The following LIN54 variants were observed in gnomAD, a reference collection of about 807,000 sequenced individuals.
LIN54 encodes lin-54 DREAM MuvB core complex component.
In LIN54, 9 loss-of-function variants were observed where a neutral mutation model predicts 78.7. That is an observed-to-expected ratio of 0.11 (90% confidence interval 0.07 to 0.20). The LOEUF (loss-of-function observed/expected upper bound fraction) is 0.20. Among genes scored for constraint, LIN54 ranks in the 10% least tolerant of loss-of-function variants. LIN54 has a pLI of 1.00. For synonymous variants in LIN54, 269 were observed against 318.4 expected, an observed-to-expected ratio of 0.84 and a Z score of 1.65; for missense variants, 573 against 889.9, an observed-to-expected ratio of 0.64 and a Z score of 4.53.
chr4:82,976,090 G>A (rs1726140044), intron 3 of LIN54, among the ~76,000 whole-genome samples: 1 of 152,156 alleles, frequency 6.6e-6, no homozygotes, highest in Non-Finnish European at 1.5e-5. Context: ...GATCCATATG[G>A]TGATCTCTTA....
intron 1 of LIN54, among the ~76,000 whole-genome samples, chr4:83,001,003 A>C (rs1728718021): frequency 6.6e-6 from 1 of 151,652 alleles, no homozygotes; most frequent in South Asian, 2.1e-4. Flanking sequence ...TTTTTAGGAG[A>C]GATGGGGTTC....
Position 82,984,845 on chromosome 4 carries a change from G to A in LIN54, c.-1C>T. On this transcript the variant is annotated 5_prime_UTR_variant, in exon 2 of 13. Coordinates refer to ENST00000340417, the MANE Select transcript of LIN54 (RefSeq NM_194282.4). Reference sequence around the variant, plus strand: ...TCACCTCAGCTGGCACCACCTCCATGATCGTTCTCCCGCTAGAAAGTTGAT... The same window carrying A: ...TCACCTCAGCTGGCACCACCTCCATAATCGTTCTCCCGCTAGAAAGTTGAT... 1 of 1,602,592 alleles carries A rather than the reference G, an allele frequency of 6.2e-7. No homozygotes were observed. Among genetic ancestry groups the A allele is most frequent in the African/African-American group, 1.3e-5 (1 of 74,820 alleles).
intron 1 of LIN54, among the ~76,000 whole-genome samples, chr4:83,001,571 C>T (rs1265059057): frequency 4.6e-5 from 7 of 151,232 alleles, no homozygotes; most frequent in Non-Finnish European, 8.8e-5. Context: ...AGAAGCCGGG[C>T]GCAGTGGCTC....
At chr4:82,976,761 C>T (rs1281548174) in intron 3 of LIN54, among the ~76,000 whole-genome samples, 2 of 152,084 alleles carry the variant, frequency 1.3e-5, no homozygotes, top group Non-Finnish European at 2.9e-5. Flanking sequence ...GCAATGTATA[C>T]ATAAAGATGA....
chr4:82,967,046 G>A (rs1725260216), intron 4 of LIN54, among the ~76,000 whole-genome samples: 1 of 151,882 alleles, frequency 6.6e-6, no homozygotes, highest in Non-Finnish European at 1.5e-5. Flanking sequence ...TGGACGACAT[G>A]GTGAAAACCC....
rs866982452 is a variant in LIN54, at chr4:82,949,006, T to A, written c.952-2532A>T. On this transcript the variant is annotated intron_variant, in intron 4 of 12. Transcript: ENST00000340417. The stretch of plus-strand genomic sequence containing the variant: ...TGCAGATATCCTCAGGAGGTGGTGA[T>A]CTCATTTCTTCTGAACATATTCCCA... Among the ~76,000 whole-genome samples the A allele has an allele frequency of 4.6e-5, 7 of 152,312 alleles. No homozygotes were observed. The South Asian group carries it at 6.2e-4, about 14-fold the overall frequency.
intron 1 of LIN54, among the ~76,000 whole-genome samples, chr4:82,999,533 T>A (rs1357817733): frequency 6.6e-6 from 1 of 151,666 alleles, no homozygotes; most frequent in African/African-American, 2.4e-5. Flanking sequence ...TCCCAGCACT[T>A]TGGGAGGCTG....
intron 1 of LIN54, among the ~76,000 whole-genome samples, chr4:82,990,743 A>G (rs1727619916): frequency 6.6e-6 from 1 of 152,134 alleles, no homozygotes; most frequent in Non-Finnish European, 1.5e-5. Flanking sequence ...TCCGCCTCCC[A>G]AAGTGCTAGG....
chr4:82,989,530 T>C (rs1332636333), intron 1 of LIN54, among the ~76,000 whole-genome samples: 1 of 152,226 alleles, frequency 6.6e-6, no homozygotes, highest in East Asian at 1.9e-4. Flanking sequence ...CAACGAATGA[T>C]GATTTAGTTC....
At chr4:82,991,299 G>T (rs1291330844) in intron 1 of LIN54, among the ~76,000 whole-genome samples, 1 of 151,586 alleles carries the variant, frequency 6.6e-6, no homozygotes, top group East Asian at 1.9e-4. Context: ...CATGTTTTTT[G>T]ATGCTGTTAT....
Position 82,984,629 on chromosome 4 carries a change from G to A in LIN54, c.216C>T (p.His72=). Residue 72 remains histidine, a synonymous_variant, in exon 2 of 13, where the codon CAC becomes CAT. Coordinates refer to ENST00000340417, the MANE Select transcript of LIN54 (RefSeq NM_194282.4). The part of the protein sequence containing the change: ...STEPITVYSN[H]TNQVAVNTTI... ...TGGTATTCACTGCAACTTGGTTAGT[G>A]TGGTTACTGTACACTGTGATTGGTT... 1 of 1,614,166 alleles carries A rather than the reference G, an allele frequency of 6.2e-7. No homozygotes were observed. The highest frequency in any genetic ancestry group is 8.5e-7 in the Non-Finnish European group (1 of 1,180,004).
intron 4 of LIN54, among the ~76,000 whole-genome samples, chr4:82,959,388 A>G (rs536423229): frequency 2.8e-4 from 42 of 152,190 alleles, no homozygotes; most frequent in African/African-American, 9.6e-4. Context: ...CTAGCTATTC[A>G]GGAGGCTGAG....
intron 1 of LIN54, among the ~76,000 whole-genome samples, chr4:82,997,609 T>C (rs941001181): frequency 6.6e-6 from 1 of 151,988 alleles, no homozygotes; most frequent in Non-Finnish European, 1.5e-5. Flanking sequence ...TCTGAGGATT[T>C]TGGAGGCAGG....
chr4:82,947,235 ATTTT>A (rs34511957), intron 4 of LIN54, among the ~76,000 whole-genome samples: 1 of 44,288 alleles, frequency 2.3e-5, no homozygotes, highest in African/African-American at 1.0e-4. Context: ...ATATATATAT[ATTTT>A]TTTTTTTTTT....
intron 4 of LIN54, among the ~76,000 whole-genome samples, chr4:82,951,573 C>G (rs1037395088): frequency 1.3e-5 from 2 of 151,904 alleles, no homozygotes; most frequent in Admixed American, 1.3e-4. Flanking sequence ...TGCTAAAGAT[C>G]AAAGGAATAC....
At chr4:83,002,997 A>G (rs1728997969) in intron 1 of LIN54, among the ~76,000 whole-genome samples, 1 of 152,132 alleles carries the variant, frequency 6.6e-6, no homozygotes, top group South Asian at 2.1e-4. Context: ...CTGGTTAACT[A>G]TACCACTTAG....
rs1722697630 is a variant in LIN54 at position 82,939,798 on chromosome 4, A to G, written c.1243-62T>C. ...AAATTTTACAGCTGTTCAATTCAGT[A>G]TAAATCTCTTGCACCTAAATCTTAA... On this transcript the variant is annotated intron_variant, in intron 6 of 12. Transcript: ENST00000340417. 3.1e-6 allele frequency: 5 copies of G among 1,592,506 alleles called. 1 individual carries two copies. In the South Asian group the frequency reaches 4.4e-5, roughly 14 times the overall value.
At chr4:82,976,135 T>G (rs1370669250) in intron 3 of LIN54, among the ~76,000 whole-genome samples, 1 of 152,136 alleles carries the variant, frequency 6.6e-6, no homozygotes, top group African/African-American at 2.4e-5. Context: ...GAGCTACTAT[T>G]TTGAAGGTGA....
At chr4:82,945,217 C>A (rs528856138) in intron 5 of LIN54, among the ~76,000 whole-genome samples, 38 of 152,322 alleles carry the variant, frequency 2.5e-4, no homozygotes, top group Admixed American at 1.6e-3. Flanking sequence ...CTTCTATTTA[C>A]TTTCGATAAA....
Sources: gnomAD v4.1 joint callset for allele counts (sites outside exome capture counted in the v4.1 genomes callset) on GRCh38, gnomAD v4.1.1 for gene constraint, MANE v1.5 for transcripts, NCBI Gene and HGNC (gene_info 2026-07-23, HGNC 2026-07-21) for gene names.